Variants in ABCC1 observed in about 807,000 individuals in gnomAD.
The protein encoded by ABCC1 is ATP binding cassette subfamily C member 1 (ABCC1 blood group).
ABCC1 carries 83 observed loss-of-function variants against 172.9 expected under a neutral mutation model. That is an observed-to-expected ratio of 0.48 (90% CI 0.40 to 0.58). The LOEUF (loss-of-function observed/expected upper bound fraction) is 0.58. Ranked by LOEUF, ABCC1 falls within the 20% of genes least tolerant of loss-of-function variation. The probability of loss-of-function intolerance (pLI) is 0.00; values close to 1 mark genes in which losing one functional copy is unlikely to be tolerated. For synonymous variants in ABCC1, 937 were observed against 825.2 expected (o/e 1.14, Z -2.32); for missense variants, 1,817 against 2,002.7 (o/e 0.91, Z 1.77).
At chr16:16,035,710 G>C (rs929758451) in intron 6 of ABCC1, among the ~76,000 whole-genome samples, 6 of 151,344 alleles carry the variant, frequency 4.0e-5, no homozygotes, top group African/African-American at 9.7e-5. Flanking sequence ...GTCCAGGCTG[G>C]TCTTGAACTC....
In ABCC1 at chr16:16,033,186, C is replaced by A; in HGVS notation, c.677+16C>A. ...GGATCACAGGGTAAGGCCAGGCCCC[C>A]CAGACCTCAGGGAGGTGGTGGGGAG... On this transcript the variant is annotated intron_variant, in intron 6 of 30. Coordinates refer to ENST00000399410, the MANE Select transcript of ABCC1 (RefSeq NM_004996.4). 1 of 1,612,766 alleles carries A rather than the reference C, an allele frequency of 6.2e-7. No homozygotes were observed. Among genetic ancestry groups the A allele is most frequent in the Non-Finnish European group, 8.5e-7 (1 of 1,178,722 alleles).
chr16:16,129,051 C>A (rs1007657675), intron 26 of ABCC1, among the ~76,000 whole-genome samples: 1 of 152,184 alleles, frequency 6.6e-6, no homozygotes, highest in African/African-American at 2.4e-5. Context: ...TTCCTGTTCG[C>A]CCCGTTCCTC....
At chr16:16,046,386 C>A (rs1239457396) in intron 9 of ABCC1, among the ~76,000 whole-genome samples, 1 of 152,026 alleles carries the variant, frequency 6.6e-6, no homozygotes, top group African/African-American at 2.4e-5. Flanking sequence ...ACTCTCTCCC[C>A]CAGACTGGAG....
At chr16:16,053,130 T>C (rs1040649086) in intron 11 of ABCC1, among the ~76,000 whole-genome samples, 4 of 152,214 alleles carry the variant, frequency 2.6e-5, no homozygotes, top group African/African-American at 9.7e-5. Flanking sequence ...AGAAGGTCTG[T>C]GAGCCTCTGA....
intron 5 of ABCC1, among the ~76,000 whole-genome samples, chr16:16,030,251 A>T (rs987744946): frequency 1.8e-4 from 27 of 152,094 alleles, no homozygotes; most frequent in Admixed American, 1.6e-3. Flanking sequence ...GGCTGGGCGC[A>T]GTGGCTCAAG....
In ABCC1 at chr16:16,088,263, G is replaced by A. The variant is rs149897577; in HGVS notation, c.2460+1272G>A. ...AGTTCGAGACCAGCCTGGCCAACAT[G>A]GTGAAACCCCATCTCTACTAAAAAT... is the stretch of plus-strand genomic sequence containing the variant. On this transcript the variant is annotated intron_variant, in intron 18 of 30. Transcript: ENST00000399410. 8.5e-3 allele frequency among the ~76,000 whole-genome samples: 1,290 copies of A among 152,100 alleles called. 16 individuals are homozygous for A. The highest frequency in any genetic ancestry group is 0.029 in the African/African-American group (1,191 of 41,486).
At chr16:16,026,432 C>CAA (rs386384354) in intron 5 of ABCC1, among the ~76,000 whole-genome samples, 4,156 of 58,888 alleles carry the variant, frequency 0.071, 124 homozygotes, top group Middle Eastern at 0.16. Context: ...GAAACCGTCT[C>CAA]AAAAAAAAAA....
In ABCC1 at chr16:16,068,255, C is replaced by A; in HGVS notation, c.1777C>A (p.Arg593=). The A allele has an allele frequency of 3.7e-6, 6 of 1,614,130 alleles. No individual in the cohort carries two copies. Among genetic ancestry groups the A allele is most frequent in the Non-Finnish European group, 5.1e-6 (6 of 1,180,032 alleles). The change falls in exon 13 of 31, where the codon CGG becomes AGG. Residue 593 remains arginine, a synonymous_variant. Transcript: ENST00000399410. ...FVSLALFNIL[R]FPLNILPMVI... is the part of the protein sequence containing the mutation. ...GTCTTTGGCCTTGTTCAACATCCTCCGGTTTCCCCTGAACATTCTCCCCAT... is the reference window on the plus strand; with the variant it reads ...GTCTTTGGCCTTGTTCAACATCCTCAGGTTTCCCCTGAACATTCTCCCCAT...
intron 12 of ABCC1, among the ~76,000 whole-genome samples, chr16:16,058,034 G>C (rs1194857709): frequency 6.6e-6 from 1 of 152,092 alleles, no homozygotes; most frequent in Non-Finnish European, 1.5e-5. Flanking sequence ...AAAACAGGTT[G>C]TTCCCTGTTT....
intron 6 of ABCC1, among the ~76,000 whole-genome samples, chr16:16,033,522 G>A (rs1051354423): frequency 1.3e-5 from 2 of 152,088 alleles, no homozygotes; most frequent in East Asian, 3.8e-4. Context: ...TGTCCCCCAC[G>A]CCTTAGAAAA....
At chr16:16,137,118 G>T (rs943212234) in intron 29 of ABCC1, among the ~76,000 whole-genome samples, 2 of 152,180 alleles carry the variant, frequency 1.3e-5, no homozygotes, top group African/African-American at 4.8e-5. Context: ...CCTGGTTCTG[G>T]TTCTGTTATC....
At chr16:16,124,142 G>A (rs1323201659) in intron 24 of ABCC1, among the ~76,000 whole-genome samples, 1 of 152,144 alleles carries the variant, frequency 6.6e-6, no homozygotes, top group African/African-American at 2.4e-5. Context: ...ACTCGTACTA[G>A]TTACGCACTC....
intron 1 of ABCC1, among the ~76,000 whole-genome samples, chr16:15,973,947 C>A (rs940715916): frequency 6.6e-6 from 1 of 151,948 alleles, no homozygotes; most frequent in African/African-American, 2.4e-5. Context: ...ATTGCACCAC[C>A]GTATTCCAGC....
intron 13 of ABCC1, among the ~76,000 whole-genome samples, chr16:16,070,983 G>T (rs1031236395): frequency 1.3e-5 from 2 of 152,174 alleles, no homozygotes; most frequent in Non-Finnish European, 2.9e-5. Context: ...AGAAATGCCT[G>T]TCCCATTGGG....
chr16:15,957,510 T>G, intron 1 of ABCC1, among the ~76,000 whole-genome samples: 1 of 152,170 alleles, frequency 6.6e-6, no homozygotes, highest in Admixed American at 6.5e-5. Flanking sequence ...GTTTGAGGTA[T>G]GAGTTCCAAG....
intron 3 of ABCC1, among the ~76,000 whole-genome samples, chr16:16,011,228 A>C (rs948099413): frequency 1.1e-4 from 14 of 122,716 alleles, no homozygotes; most frequent in Admixed American, 2.6e-4. Context: ...GCGAGACCTC[A>C]TCTCAAAAAA....
intron 1 of ABCC1, among the ~76,000 whole-genome samples, chr16:15,982,189 A>C (rs1004273159): frequency 6.6e-6 from 1 of 152,142 alleles, no homozygotes; most frequent in Admixed American, 6.5e-5. Flanking sequence ...CCTGATACTC[A>C]GTTCCAAAGT....
chr16:15,982,814 A>AAAAAAAAAAAAAAAG (rs2046654371), intron 1 of ABCC1, among the ~76,000 whole-genome samples: 2 of 149,216 alleles, frequency 1.3e-5, no homozygotes, highest in African/African-American at 4.9e-5. Context: ...AAAAAAAAAA[A>AAAAAAAAAAAAAAAG]AAAAAAAAAA....
rs61096766 is a variant in ABCC1 at position 16,092,882 on chromosome 16, G to A, written c.2644+2294G>A. 5.3e-3 allele frequency among the ~76,000 whole-genome samples: 801 copies of A among 152,238 alleles called. 8 individuals are homozygous for A. Among genetic ancestry groups the A allele is most frequent in the African/African-American group, 0.019 (772 of 41,542 alleles). Reference sequence around the variant, plus strand: ...TGCACACCTGTAGTCCCGGCTATTCGGGAGGCTGAGGTGGGGGAATCGCTT... The same window carrying A: ...TGCACACCTGTAGTCCCGGCTATTCAGGAGGCTGAGGTGGGGGAATCGCTT... On this transcript the variant is annotated intron_variant, in intron 19 of 30. Transcript: ENST00000399410.
Sources: gnomAD v4.1 joint callset for allele counts (sites outside exome capture counted in the v4.1 genomes callset) on GRCh38, gnomAD v4.1.1 for gene constraint, MANE v1.5 for transcripts, NCBI Gene and HGNC (gene_info 2026-07-23, HGNC 2026-07-21) for gene names.